MAOA: variants seen among roughly 807,000 people sequenced by gnomAD.
MAOA encodes amine oxidase [flavin-containing] A.
A neutral mutation model predicts 42.0 loss-of-function variants in MAOA; 6 were observed. The observed-to-expected ratio is 0.14, with a 90% CI of 0.08 to 0.28. The LOEUF is 0.28. MAOA is among the 10% of genes least tolerant of loss of function. The pLI, the probability that MAOA is intolerant of heterozygous loss-of-function variation, is 1.00. For missense variants in MAOA, 262 were observed against 422.3 expected (o/e 0.62, Z 3.33); for synonymous variants, 140 against 154.0 (o/e 0.91, Z 0.67).
chrX:43,661,839 ACTC>A (rs1175848961), intron 1 of MAOA, among the ~76,000 whole-genome samples: 1 of 111,250 alleles, frequency 9.0e-6, no homozygotes, highest in Non-Finnish European at 1.9e-5. Context: ...AAGCAATAGA[ACTC>A]CTCTCTATTT....
At chrX:43,673,416 G>A (rs1218061752) in intron 1 of MAOA, among the ~76,000 whole-genome samples, 5 of 109,294 alleles carry the variant, frequency 4.6e-5, no homozygotes, top group Non-Finnish European at 3.8e-5. Context: ...ATTTTTTGAA[G>A]GGTTTTTTTT....
intron 8 of MAOA, 141 bp from the exon 9 acceptor site, chrX:43,732,558 C>T (rs1302634018): frequency 6.4e-5 from 27 of 422,206 alleles, no homozygotes; most frequent in Non-Finnish European, 1.1e-4. Flanking sequence ...GTGTATTTAA[C>T]AAGACATGTA....
intron 6 of MAOA, among the ~76,000 whole-genome samples, chrX:43,730,064 C>T (rs1301324627): frequency 1.8e-5 from 2 of 108,779 alleles, no homozygotes; most frequent in Non-Finnish European, 3.8e-5. Flanking sequence ...TGTCATGGCA[C>T]GCACCTGTAA....
chrX:43,679,095 ATATTTCT>A (rs1268866929), intron 1 of MAOA, among the ~76,000 whole-genome samples: 2 of 111,823 alleles, frequency 1.8e-5, no homozygotes, highest in Non-Finnish European at 3.8e-5. Flanking sequence ...TATTTTAAAC[ATATTTCT>A]TATTTCTTAA....
rs750916164 is a variant in MAOA at position 43,693,357 on chromosome X, C to G, written c.235C>G (p.Arg79Gly). Reference protein sequence around the residue: ...YVGPTQNRILRLSKELGIETY... With the variant: ...YVGPTQNRILGLSKELGIETY... ...GGGACCAACCCAAAACAGAATCTTACGCTTGTCTAAGGAGCTGGGCATAGA... is the reference window on the plus strand; with the variant it reads ...GGGACCAACCCAAAACAGAATCTTAGGCTTGTCTAAGGAGCTGGGCATAGA... The change falls in exon 3 of 15, where the codon CGC becomes GGC. Residue 79 changes from arginine to glycine, a missense_variant. Physicochemically the swap from Arg to Gly is moderately radical, Grantham distance 125. Around this residue, in one of 3 missense-constraint regions of MAOA, gnomAD observed 141 missense variants for 195.6 expected, o/e 0.72. Transcript: ENST00000338702. 2 of 1,208,942 alleles carry G rather than the reference C, an allele frequency of 1.7e-6. No homozygotes were observed. Among genetic ancestry groups the G allele is most frequent in the East Asian group, 5.9e-5 (2 of 33,828 alleles).
chrX:43,735,170 T>C (rs1417901595), intron 9 of MAOA, among the ~76,000 whole-genome samples: 1 of 112,081 alleles, frequency 8.9e-6, no homozygotes, highest in Non-Finnish European at 1.9e-5. Context: ...CCAATCCAAT[T>C]TGAGGAACAC....
chrX:43,710,251 T>G (rs1219599566), intron 3 of MAOA, among the ~76,000 whole-genome samples: 1 of 112,774 alleles, frequency 8.9e-6, no homozygotes, highest in Non-Finnish European at 1.9e-5. Flanking sequence ...GTGGTGATGA[T>G]GATAAAGGAT....
intron 5 of MAOA, among the ~76,000 whole-genome samples, chrX:43,725,806 G>T (rs986225266): frequency 1.8e-5 from 2 of 111,953 alleles, no homozygotes; most frequent in Non-Finnish European, 3.8e-5. Context: ...GCAGTGGCTG[G>T]TACTGGTTGT....
intron 1 of MAOA, chrX:43,657,988 T>G: frequency 1.6e-6 from 1 of 631,480 alleles, no homozygotes; most frequent in Non-Finnish European, 1.9e-6. Flanking sequence ...AAGGAGTATT[T>G]CAGCTTGTTT....
At chrX:43,662,485 G>T (rs2033242900) in intron 1 of MAOA, among the ~76,000 whole-genome samples, 1 of 110,648 alleles carries the variant, frequency 9.0e-6, no homozygotes. Context: ...CTCAGCTATT[G>T]TGAAAAATGT....
intron 4 of MAOA, 73 bp from the exon 5 acceptor site, chrX:43,712,632 T>A (rs2033708043): frequency 3.0e-6 from 2 of 671,428 alleles, no homozygotes; most frequent in Admixed American, 4.8e-5. Context: ...TTTTCAGAGG[T>A]TTTCATGAGG....
intron 1 of MAOA, among the ~76,000 whole-genome samples, chrX:43,679,913 T>C (rs1040270317): frequency 3.6e-5 from 4 of 112,284 alleles, no homozygotes; most frequent in African/African-American, 1.3e-4. Flanking sequence ...AACATATTTT[T>C]CATCTCACTT....
At chrX:43,665,877 G>A (rs767635204) in intron 1 of MAOA, among the ~76,000 whole-genome samples, 43 of 111,227 alleles carry the variant, frequency 3.9e-4, no homozygotes, top group African/African-American at 1.3e-3. Context: ...TATATATCAA[G>A]GGCAAGTTTG....
rs1247967393 is a variant in MAOA at position 43,707,664 on chromosome X, G to C, written c.307-4208G>C. On this transcript the variant is annotated intron_variant, in intron 3 of 14. Transcript: ENST00000338702. ...AGATGATTTTAAAATTTAAAGCATT[G>C]TTATAAACTATAGAAAAGAAATCAT... is the stretch of plus-strand genomic sequence containing the variant. 2.7e-5 allele frequency among the ~76,000 whole-genome samples: 3 copies of C among 112,011 alleles called. No homozygotes were observed. In the Admixed American group the frequency reaches 2.9e-4, roughly 11 times the overall value.
At chrX:43,674,856 C>T (rs1194747494) in intron 1 of MAOA, among the ~76,000 whole-genome samples, 2 of 110,176 alleles carry the variant, frequency 1.8e-5, no homozygotes, top group East Asian at 5.7e-4. Flanking sequence ...GTAACCCGAC[C>T]TTTCTCTCTG....
intron 2 of MAOA, among the ~76,000 whole-genome samples, chrX:43,685,031 C>T (rs191730062): frequency 1.8e-5 from 2 of 108,572 alleles, no homozygotes; most frequent in Admixed American, 9.9e-5. Flanking sequence ...GCACCCCCCC[C>T]ACCACGCCAG....
At chrX:43,734,162 C>CTCAATATT (rs1351448500) in intron 9 of MAOA, among the ~76,000 whole-genome samples, 1 of 84,053 alleles carries the variant, frequency 1.2e-5, no homozygotes, top group Non-Finnish European at 2.2e-5. Flanking sequence ...GGAAGTGGAA[C>CTCAATATT]TCAATATTTT....
At chrX:43,685,030 C>T (rs1018147699) in intron 2 of MAOA, among the ~76,000 whole-genome samples, 6 of 108,389 alleles carry the variant, frequency 5.5e-5, no homozygotes, top group Admixed American at 9.9e-5. Flanking sequence ...GGCACCCCCC[C>T]CACCACGCCA....
chrX:43,697,295 C>A (rs1486261065), intron 3 of MAOA, among the ~76,000 whole-genome samples: 1 of 111,901 alleles, frequency 8.9e-6, no homozygotes, highest in African/African-American at 3.3e-5. Context: ...TCTGGCAGCT[C>A]TCTTCTGATG....
Sources: gnomAD v4.1 joint callset for allele counts (sites outside exome capture counted in the v4.1 genomes callset) on GRCh38, gnomAD v4.1.1 for gene constraint, gnomAD v4.1.1 regional missense constraint, MANE v1.5 for transcripts, NCBI Gene and HGNC (gene_info 2026-07-23, HGNC 2026-07-21) for gene names.